DOK5: variants seen among roughly 807,000 people sequenced by gnomAD.
DOK5 encodes downstream of tyrosine kinase 5.
In DOK5, 27 loss-of-function variants were observed where a neutral mutation model predicts 43.3. That is an observed-to-expected ratio of 0.62 (90% CI 0.46 to 0.86). The LOEUF (loss-of-function observed/expected upper bound fraction) is 0.86. DOK5 is among the 40% of genes least tolerant of loss of function. The probability of loss-of-function intolerance (pLI) is 0.00; values close to 1 mark genes in which losing one functional copy is unlikely to be tolerated. For missense variants in DOK5, 373 were observed against 392.9 expected, an observed-to-expected ratio of 0.95 and a Z score of 0.43; for synonymous variants, 146 against 140.1, an observed-to-expected ratio of 1.04 and a Z score of -0.30.
chr20:54,610,531 T>C lies in DOK5; in HGVS notation c.735+8T>C, dbSNP rs369719375. The C allele has an allele frequency of 4.5e-5, 67 of 1,478,254 alleles. No individual in the cohort carries two copies. Among genetic ancestry groups the C allele is most frequent in the Non-Finnish European group, 5.9e-5 (65 of 1,109,450 alleles). 91.6% of individuals were successfully genotyped at this position (1,478,254 alleles called of 1,614,324 possible). ...AGTGTGAAAAACTCGATGGTACGTTTGGAATTTCTTCCTCGTGTCCCAGTG... is the reference window on the plus strand; with the variant it reads ...AGTGTGAAAAACTCGATGGTACGTTCGGAATTTCTTCCTCGTGTCCCAGTG... On this transcript the variant is annotated splice_region_variant and intron_variant, in intron 6 of 7. Coordinates refer to ENST00000262593, the MANE Select transcript of DOK5 (RefSeq NM_018431.5).
intron 2 of DOK5, among the ~76,000 whole-genome samples, chr20:54,578,031 A>G (rs1985508649): frequency 6.6e-6 from 1 of 152,198 alleles, no homozygotes; most frequent in South Asian, 2.1e-4. Flanking sequence ...GGTTTGATTT[A>G]CATATCCCCA....
At chr20:54,622,214 A>T (rs930463373) in intron 6 of DOK5, among the ~76,000 whole-genome samples, 3 of 151,298 alleles carry the variant, frequency 2.0e-5, no homozygotes, top group African/African-American at 7.4e-5. Flanking sequence ...AAAATAAAAA[A>T]AATAAAATAA....
At chr20:54,629,778 G>T (rs1361391017) in intron 6 of DOK5, among the ~76,000 whole-genome samples, 2 of 152,194 alleles carry the variant, frequency 1.3e-5, no homozygotes, top group Non-Finnish European at 2.9e-5. Context: ...GACCGGGAAT[G>T]GTCACTCTGG....
rs761269298 is a variant in DOK5, at chr20:54,591,641, A to G, written c.435A>G (p.Pro145=). Reference sequence around the variant, plus strand: ...AGAGATTCAATGTGTATTTGATGCCATCTCCTAACTTAGATGTACATGGCG... The same window carrying G: ...AGAGATTCAATGTGTATTTGATGCCGTCTCCTAACTTAGATGTACATGGCG... ...QSERFNVYLM[P]SPNLDVHGEC... The change falls in exon 5 of 8, where the codon CCA becomes CCG. Residue 145 remains proline, a synonymous_variant. Coordinates refer to ENST00000262593, the MANE Select transcript of DOK5 (RefSeq NM_018431.5). 1.9e-6 allele frequency: 3 copies of G among 1,611,234 alleles called. No homozygotes were observed. Among genetic ancestry groups the G allele is most frequent in the South Asian group, 1.1e-5 (1 of 90,512 alleles).
intron 1 of DOK5, among the ~76,000 whole-genome samples, chr20:54,497,570 T>G (rs924095140): frequency 6.6e-6 from 1 of 152,220 alleles, no homozygotes; most frequent in African/African-American, 2.4e-5. Flanking sequence ...TCTATGTTAC[T>G]CCATTTGCTA....
At chr20:54,585,285 G>A (rs892840354) in intron 2 of DOK5, among the ~76,000 whole-genome samples, 8 of 152,066 alleles carry the variant, frequency 5.3e-5, no homozygotes, top group Admixed American at 3.9e-4. Flanking sequence ...CTCTGGGAAT[G>A]GTCATTTGCT....
chr20:54,640,221 C>G (rs753381879), intron 6 of DOK5, among the ~76,000 whole-genome samples: 1 of 152,222 alleles, frequency 6.6e-6, no homozygotes, highest in Non-Finnish European at 1.5e-5. Context: ...TTTCTATATT[C>G]ACATTGAAGT....
intron 2 of DOK5, among the ~76,000 whole-genome samples, chr20:54,558,275 A>G (rs999035897): frequency 6.6e-6 from 1 of 152,218 alleles, no homozygotes; most frequent in Non-Finnish European, 1.5e-5. Flanking sequence ...AATAAAGGGA[A>G]GTTGAGGACA....
intron 4 of DOK5, among the ~76,000 whole-genome samples, chr20:54,590,788 T>C (rs1029493682): frequency 1.3e-5 from 2 of 152,190 alleles, no homozygotes; most frequent in Admixed American, 1.3e-4. Flanking sequence ...CAATCTACCA[T>C]AATGATGCAT....
intron 1 of DOK5, among the ~76,000 whole-genome samples, chr20:54,481,051 G>GTCTATCATCTATCTATCATCTA (rs1337423916): frequency 9.0e-6 from 1 of 111,162 alleles, no homozygotes; most frequent in Admixed American, 8.5e-5. Context: ...TCTATCATCT[G>GTCTATCATCTATCTATCATCTA]TCTATCATCT....
chr20:54,534,398 A>G (rs1600685696), intron 1 of DOK5, among the ~76,000 whole-genome samples: 1 of 152,204 alleles, frequency 6.6e-6, no homozygotes, highest in East Asian at 1.9e-4. Context: ...CCTGTTGTCC[A>G]GGCTGGTCTT....
intron 2 of DOK5, among the ~76,000 whole-genome samples, chr20:54,564,425 C>T (rs746804062): frequency 8.6e-5 from 13 of 151,862 alleles, no homozygotes; most frequent in African/African-American, 2.2e-4. Flanking sequence ...AGCAAGACTC[C>T]GTCAAAAAAA....
chr20:54,539,533 T>C (rs1984077632), intron 1 of DOK5, among the ~76,000 whole-genome samples: 1 of 152,164 alleles, frequency 6.6e-6, no homozygotes, highest in African/African-American at 2.4e-5. Context: ...TGCAACTGCC[T>C]GTGACTCAAC....
At chr20:54,626,766 A>T (rs1987143208) in intron 6 of DOK5, among the ~76,000 whole-genome samples, 1 of 152,230 alleles carries the variant, frequency 6.6e-6, no homozygotes, top group Non-Finnish European at 1.5e-5. Flanking sequence ...CACACGACTA[A>T]CCCCTAGTTT....
intron 1 of DOK5, among the ~76,000 whole-genome samples, chr20:54,543,233 G>C (rs180991457): frequency 4.4e-4 from 64 of 145,558 alleles, no homozygotes; most frequent in African/African-American, 1.6e-3. Context: ...ATTATAACTA[G>C]TTCAAAGGGT....
At chr20:54,629,347 T>C (rs1225796044) in intron 6 of DOK5, among the ~76,000 whole-genome samples, 1 of 152,204 alleles carries the variant, frequency 6.6e-6, no homozygotes, top group Admixed American at 6.5e-5. Flanking sequence ...TTGAGATGCA[T>C]TAATTTCAAA....
chr20:54,494,329 G>A (rs1001473974), intron 1 of DOK5, among the ~76,000 whole-genome samples: 3 of 152,152 alleles, frequency 2.0e-5, no homozygotes, highest in Non-Finnish European at 2.9e-5. Flanking sequence ...ATTCATCTGG[G>A]GATATTTAGC....
intron 6 of DOK5, among the ~76,000 whole-genome samples, chr20:54,637,313 G>T (rs185842238): frequency 1.8e-4 from 27 of 152,244 alleles, no homozygotes; most frequent in Non-Finnish European, 3.4e-4. Context: ...GTTAGGAAGA[G>T]ACCTGCATGC....
At chr20:54,535,732 C>T (rs1983941098) in intron 1 of DOK5, among the ~76,000 whole-genome samples, 2 of 152,046 alleles carry the variant, frequency 1.3e-5, no homozygotes, top group Non-Finnish European at 2.9e-5. Flanking sequence ...AAAAGTAGCA[C>T]TTGGTACAAT....
Sources: allele counts gnomAD v4.1 joint callset (sites outside exome capture counted in the v4.1 genomes callset), GRCh38; gene constraint gnomAD v4.1.1; transcripts MANE v1.5; gene names NCBI Gene and HGNC (gene_info 2026-07-23, HGNC 2026-07-21).